The following FRMD3 variants were observed in gnomAD, a reference collection of about 807,000 sequenced individuals.
The protein encoded by FRMD3 is FERM domain-containing protein 3.
FRMD3 carries 33 observed loss-of-function variants against 70.2 expected under a neutral mutation model. The ratio of observed to expected loss-of-function variants is 0.47; its 90% CI spans 0.36 to 0.63. FRMD3 has a LOEUF of 0.63. Ranked by LOEUF, FRMD3 falls within the 20% of genes least tolerant of loss-of-function variation. The pLI, the probability that FRMD3 is intolerant of heterozygous loss-of-function variation, is 0.00. For synonymous variants in FRMD3, 279 were observed against 255.9 expected (o/e 1.09, Z -0.86); for missense variants, 632 against 711.4 (o/e 0.89, Z 1.27).
intron 2 of FRMD3, among the ~76,000 whole-genome samples, chr9:83,385,816 C>A (rs541204720): frequency 2.5e-4 from 38 of 152,160 alleles, no homozygotes; most frequent in Non-Finnish European, 2.9e-4. Context: ...GTCTTTGAGT[C>A]CATTTTTCTA....
intron 1 of FRMD3, among the ~76,000 whole-genome samples, chr9:83,513,088 T>A (rs1829375561): frequency 1.3e-5 from 2 of 152,032 alleles, no homozygotes; most frequent in Admixed American, 6.6e-5. Context: ...TAGAGAAACA[T>A]AAATATCAAG....
chr9:83,254,716 A>G (rs1308083185), intron 13 of FRMD3, among the ~76,000 whole-genome samples: 2 of 152,206 alleles, frequency 1.3e-5, no homozygotes. Context: ...CCCCACAGAA[A>G]TACAAACAAC....
At chr9:83,323,576 T>G (rs1356767860) in intron 6 of FRMD3, among the ~76,000 whole-genome samples, 3 of 152,178 alleles carry the variant, frequency 2.0e-5, no homozygotes, top group Admixed American at 1.3e-4. Flanking sequence ...CTTGCACCAC[T>G]TCAGGACTCT....
chr9:83,393,275 C>T (rs1043192318), intron 1 of FRMD3, among the ~76,000 whole-genome samples: 1 of 152,182 alleles, frequency 6.6e-6, no homozygotes, highest in Non-Finnish European at 1.5e-5. Context: ...AATGTGAAGA[C>T]AATTGCAATA....
At chr9:83,309,075 T>A (rs1431156963) in intron 10 of FRMD3, among the ~76,000 whole-genome samples, 2 of 152,128 alleles carry the variant, frequency 1.3e-5, no homozygotes, top group African/African-American at 4.8e-5. Flanking sequence ...TGCTCAATAA[T>A]GCATCTTATA....
the FRMD3 span, among the ~76,000 whole-genome samples, chr9:83,568,329 C>T: frequency 1.3e-5 from 2 of 152,130 alleles, no homozygotes; most frequent in Admixed American, 1.3e-4. Flanking sequence ...GGTGGGGACA[C>T]AGACAAACCA....
the FRMD3 span, among the ~76,000 whole-genome samples, chr9:83,563,593 C>T: frequency 6.6e-6 from 1 of 152,132 alleles, no homozygotes; most frequent in African/African-American, 2.4e-5. Context: ...CATCTGTTCT[C>T]TTAACACCTC....
At chr9:83,308,080 A>C (rs1183015369) in intron 10 of FRMD3, among the ~76,000 whole-genome samples, 1 of 152,178 alleles carries the variant, frequency 6.6e-6, no homozygotes, top group African/African-American at 2.4e-5. Flanking sequence ...TTCCTAGCAC[A>C]GCATTTTGTG....
chr9:83,585,784 A>C, the FRMD3 span, among the ~76,000 whole-genome samples: 1 of 152,214 alleles, frequency 6.6e-6, no homozygotes, highest in African/African-American at 2.4e-5. Flanking sequence ...TTTCTGATAC[A>C]TGCACACAAA....
In FRMD3 at chr9:83,248,061, C is replaced by G; in HGVS notation, c.1651G>C (p.Glu551Gln). Residue 551 changes from glutamate (E) to glutamine (Q), a missense_variant, in exon 14 of 14, where the codon GAG becomes CAG. This residue lies in a region of FRMD3 where 418 missense variants were observed against 442.1 expected (regional missense o/e 0.95). Transcript: ENST00000304195. ...AAGAAGGAGAGATCAATACCTGACT[C>G]CAAAAGGAGGAGGAGCAGGGGAAAT... ...FVFPLLLLLL[E>Q]SGIDLSFLCE... is the part of the protein sequence containing the mutation. The G allele has an allele frequency of 6.2e-7, 1 of 1,614,128 alleles. No homozygotes were observed. The highest frequency in any genetic ancestry group is 8.5e-7 in the Non-Finnish European group (1 of 1,180,022).
intron 13 of FRMD3, among the ~76,000 whole-genome samples, chr9:83,256,130 G>C (rs892087087): frequency 6.6e-6 from 1 of 152,056 alleles, no homozygotes; most frequent in African/African-American, 2.4e-5. Context: ...ATACTACAAG[G>C]CTACAGTAAC....
intron 1 of FRMD3, among the ~76,000 whole-genome samples, chr9:83,452,757 C>T (rs1418410146): frequency 6.6e-6 from 1 of 151,898 alleles, no homozygotes; most frequent in African/African-American, 2.4e-5. Flanking sequence ...GCTAGGATTA[C>T]AGGCGTGAGC....
chr9:83,333,334 A>G (rs1823455806), intron 6 of FRMD3, among the ~76,000 whole-genome samples: 1 of 152,350 alleles, frequency 6.6e-6, no homozygotes, highest in African/African-American at 2.4e-5. Flanking sequence ...CATGTGCCAT[A>G]GAATGGCAGC....
At chr9:83,539,147 C>T (rs193041179), upstream of FRMD3, among the ~76,000 whole-genome samples, 3 of 152,310 alleles carry the variant, frequency 2.0e-5, no homozygotes, top group East Asian at 5.8e-4. Flanking sequence ...CTTTACAGAC[C>T]TCCTCCAGTT....
At chr9:83,525,575 A>T (rs190983772) in intron 1 of FRMD3, among the ~76,000 whole-genome samples, 1 of 152,342 alleles carries the variant, frequency 6.6e-6, no homozygotes, top group East Asian at 1.9e-4. Flanking sequence ...GGATTTTAAA[A>T]TGTATTATCT....
At chr9:83,351,687 T>TAGATA (rs1554691504) in intron 3 of FRMD3, among the ~76,000 whole-genome samples, 1 of 145,594 alleles carries the variant, frequency 6.9e-6, no homozygotes, top group African/African-American at 2.6e-5. Context: ...GATAGTTACA[T>TAGATA]GATAGATAGA....
intron 1 of FRMD3, among the ~76,000 whole-genome samples, chr9:83,406,131 T>A (rs1826096050): frequency 6.6e-6 from 1 of 152,170 alleles, no homozygotes; most frequent in Non-Finnish European, 1.5e-5. Context: ...GCTAAGGAGC[T>A]GCAGGAGTCT....
At chr9:83,443,410 G>A (rs534584176) in intron 1 of FRMD3, among the ~76,000 whole-genome samples, 9 of 152,202 alleles carry the variant, frequency 5.9e-5, no homozygotes, top group South Asian at 2.1e-4. Flanking sequence ...CCATCCTTGC[G>A]ATAGTTTGCT....
At chr9:83,514,000 A>G (rs1013958148) in intron 1 of FRMD3, among the ~76,000 whole-genome samples, 2 of 152,138 alleles carry the variant, frequency 1.3e-5, no homozygotes, top group African/African-American at 4.8e-5. Context: ...TGCCTACACC[A>G]CAAGGGCCCT....
Sources: allele counts gnomAD v4.1 joint callset (sites outside exome capture counted in the v4.1 genomes callset), GRCh38; gene constraint gnomAD v4.1.1; regional missense constraint gnomAD v4.1.1; transcripts MANE v1.5; gene names NCBI Gene and HGNC (gene_info 2026-07-23, HGNC 2026-07-21).